The following RIT2 variants were observed in gnomAD, a reference collection of about 807,000 sequenced individuals.
RIT2 encodes the protein Ras like without CAAX 2.
In RIT2, 24 loss-of-function variants were observed where a neutral mutation model predicts 23.7. That is an observed-to-expected ratio of 1.01 (90% CI 0.73 to 1.43). The LOEUF (loss-of-function observed/expected upper bound fraction) is 1.43. RIT2 is among the 40% of genes most tolerant of loss of function. The probability of loss-of-function intolerance (pLI) is 0.00; values close to 1 mark genes in which losing one functional copy is unlikely to be tolerated. For missense variants in RIT2, 236 were observed against 266.9 expected, an observed-to-expected ratio of 0.88 and a Z score of 0.81; for synonymous variants, 107 against 91.1, an observed-to-expected ratio of 1.17 and a Z score of -0.99.
chr18:43,075,436 C>T (rs1005074781), intron 1 of RIT2, among the ~76,000 whole-genome samples: 3 of 152,176 alleles, frequency 2.0e-5, no homozygotes, highest in Non-Finnish European at 1.5e-5. Flanking sequence ...AAGAAATTGA[C>T]TCCTTTGTAA....
intron 4 of RIT2, among the ~76,000 whole-genome samples, chr18:42,812,341 A>G (rs1428369758): frequency 1.3e-5 from 2 of 152,170 alleles, no homozygotes; most frequent in Non-Finnish European, 2.9e-5. Flanking sequence ...GATCATGGGA[A>G]GTAGAATTGT....
intron 1 of RIT2, among the ~76,000 whole-genome samples, chr18:43,051,763 A>G (rs1346111501): frequency 2.6e-5 from 4 of 152,138 alleles, no homozygotes; most frequent in South Asian, 4.1e-4. Flanking sequence ...CTCAGGAGGG[A>G]TATAAGCCTT....
chr18:42,930,445 AC>A (rs1473614505), intron 3 of RIT2, among the ~76,000 whole-genome samples: 5 of 152,294 alleles, frequency 3.3e-5, no homozygotes, highest in Non-Finnish European at 1.5e-5. Context: ...ATATAAAAAA[AC>A]AAAGTATAGA....
chr18:42,957,244 A>G (rs1313349727), intron 3 of RIT2, among the ~76,000 whole-genome samples: 1 of 152,162 alleles, frequency 6.6e-6, no homozygotes, highest in Non-Finnish European at 1.5e-5. Flanking sequence ...TCCATAATGC[A>G]TCCTTCATGC....
intron 2 of RIT2, among the ~76,000 whole-genome samples, chr18:42,978,735 C>T (rs1910529621): frequency 6.6e-6 from 1 of 152,062 alleles, no homozygotes; most frequent in South Asian, 2.1e-4. Flanking sequence ...GAGATCATTG[C>T]TTCTCAGGAT....
chr18:43,091,462 T>G (rs1229776601), intron 1 of RIT2, among the ~76,000 whole-genome samples: 1 of 152,078 alleles, frequency 6.6e-6, no homozygotes, highest in Non-Finnish European at 1.5e-5. Context: ...CTGGTGATAT[T>G]AAAATGCTGA....
chr18:42,842,941 G>A (rs1906808029), intron 4 of RIT2, among the ~76,000 whole-genome samples: 1 of 152,076 alleles, frequency 6.6e-6, no homozygotes, highest in African/African-American at 2.4e-5. Flanking sequence ...GCCCAAAATT[G>A]TTTAGTGATT....
chr18:43,048,035 C>T (rs574493034), intron 1 of RIT2, among the ~76,000 whole-genome samples: 7 of 152,102 alleles, frequency 4.6e-5, no homozygotes, highest in African/African-American at 9.6e-5. Context: ...CAGGGATCTG[C>T]GATCTATCAA....
chr18:42,825,575 C>T (rs1318457900), intron 4 of RIT2, among the ~76,000 whole-genome samples: 2 of 151,784 alleles, frequency 1.3e-5, no homozygotes, highest in Non-Finnish European at 3.0e-5. Context: ...CACAATTTTA[C>T]TTATGTACAT....
intron 4 of RIT2, among the ~76,000 whole-genome samples, chr18:42,915,649 C>T (rs965536024): frequency 6.6e-6 from 1 of 151,948 alleles, no homozygotes; most frequent in African/African-American, 2.4e-5. Context: ...AACACAAGCT[C>T]TGTTCCAAAG....
chr18:42,876,424 G>A (rs1448912911), intron 4 of RIT2, among the ~76,000 whole-genome samples: 1 of 151,100 alleles, frequency 6.6e-6, no homozygotes, highest in African/African-American at 2.4e-5. Context: ...ATTTTTAGGG[G>A]AGTAGAAAAG....
At chr18:42,924,497 A>T (rs190320734) in intron 3 of RIT2, among the ~76,000 whole-genome samples, 409 of 152,172 alleles carry the variant, frequency 2.7e-3, no homozygotes, top group Admixed American at 3.5e-3. Flanking sequence ...TCTGAATTAC[A>T]ATTTGGAAAC....
intron 4 of RIT2, among the ~76,000 whole-genome samples, chr18:42,875,185 T>C (rs933826986): frequency 6.6e-6 from 1 of 152,078 alleles, no homozygotes; most frequent in Non-Finnish European, 1.5e-5. Flanking sequence ...TTATTCTCTC[T>C]GTAGTTTTAG....
chr18:43,069,999 G>A (rs1469032695), intron 1 of RIT2, among the ~76,000 whole-genome samples: 10 of 151,960 alleles, frequency 6.6e-5, no homozygotes, highest in Non-Finnish European at 4.4e-5. Context: ...CTTCTAAAAT[G>A]TAAGTTCTCT....
At chr18:43,073,964 T>C (rs1219383666) in intron 1 of RIT2, among the ~76,000 whole-genome samples, 2 of 152,108 alleles carry the variant, frequency 1.3e-5, no homozygotes, top group East Asian at 1.9e-4. Context: ...ATCAATGACA[T>C]AGTGGGAGGA....
At chr18:43,009,411 G>T (rs1911300515) in intron 2 of RIT2, among the ~76,000 whole-genome samples, 1 of 151,608 alleles carries the variant, frequency 6.6e-6, no homozygotes, top group Non-Finnish European at 1.5e-5. Context: ...TGCACTCTCA[G>T]GTCCTATTTG....
chr18:42,901,113 A>G (rs574391685), intron 4 of RIT2, among the ~76,000 whole-genome samples: 2 of 152,184 alleles, frequency 1.3e-5, no homozygotes, highest in African/African-American at 2.4e-5. Flanking sequence ...CCAACTGCTC[A>G]TAGTATAAAG....
At chr18:42,971,054 A>G (rs891413094) in intron 3 of RIT2, among the ~76,000 whole-genome samples, 3 of 151,974 alleles carry the variant, frequency 2.0e-5, no homozygotes, top group Admixed American at 6.6e-5. Flanking sequence ...TTTGTATAAC[A>G]TTTTACTCAA....
At chr18:42,920,752 C>A in intron 4 of RIT2, 1 of 1,594,916 alleles carries the variant, frequency 6.3e-7, no homozygotes, top group Non-Finnish European at 8.5e-7. Context: ...CAAACTCTTT[C>A]AGTGTAGGCT....
Sources: gnomAD v4.1 joint callset for allele counts (sites outside exome capture counted in the v4.1 genomes callset) on GRCh38, gnomAD v4.1.1 for gene constraint, MANE v1.5 for transcripts, NCBI Gene and HGNC (gene_info 2026-07-23, HGNC 2026-07-21) for gene names.